The following IMMP2L variants were observed in gnomAD, a reference collection of about 807,000 sequenced individuals.
The protein encoded by IMMP2L is mitochondrial inner membrane protease subunit 2.
IMMP2L carries 18 observed loss-of-function variants against 19.3 expected under a neutral mutation model. The observed-to-expected ratio is 0.93, with a 90% CI of 0.64 to 1.38. IMMP2L has a LOEUF of 1.38. IMMP2L is among the 40% of genes most tolerant of loss of function. IMMP2L has a pLI of 0.00. For synonymous variants in IMMP2L, 76 were observed against 73.0 expected, an observed-to-expected ratio of 1.04 and a Z score of -0.21; for missense variants, 233 against 218.2, an observed-to-expected ratio of 1.07 and a Z score of -0.43.
In IMMP2L at chr7:111,443,964, A is replaced by G. The variant is rs180832645; in HGVS notation, c.239+43274T>C. The stretch of plus-strand genomic sequence containing the variant: ...TATGTGCATCTTCACAGGGTATATA[A>G]TTTCAAAAGGTGAAAAATGTTTAAA... On this transcript the variant is annotated intron_variant, in intron 3 of 5. Coordinates refer to ENST00000405709, the MANE Select transcript of IMMP2L (RefSeq NM_032549.4). 1.4e-3 allele frequency among the ~76,000 whole-genome samples: 212 copies of G among 152,248 alleles called. 1 individual carries two copies. Among genetic ancestry groups the G allele is most frequent in the Middle Eastern group, 3.4e-3 (1 of 292 alleles).
chr7:110,701,697 C>T (rs2222617), intron 5 of IMMP2L, among the ~76,000 whole-genome samples: 132,684 of 152,080 alleles, frequency 0.87, 58,060 homozygotes, highest in African/African-American at 0.92. Flanking sequence ...AATGCTGGAA[C>T]TACAGGTGTG....
intron 1 of IMMP2L, among the ~76,000 whole-genome samples, chr7:111,558,291 C>T (rs888032785): frequency 1.3e-5 from 2 of 152,156 alleles, no homozygotes; most frequent in African/African-American, 4.8e-5. Context: ...ACCAAATCCC[C>T]AATACCATGG....
intron 5 of IMMP2L, among the ~76,000 whole-genome samples, chr7:110,690,760 A>C (rs1203546982): frequency 6.6e-6 from 1 of 152,134 alleles, no homozygotes; most frequent in African/African-American, 2.4e-5. Context: ...AATATACTTT[A>C]CCAAGAAGGT....
At chr7:110,907,704 A>G (rs935322432) in intron 4 of IMMP2L, among the ~76,000 whole-genome samples, 1 of 152,208 alleles carries the variant, frequency 6.6e-6, no homozygotes, top group African/African-American at 2.4e-5. Context: ...ATGAGTTCAT[A>G]TATAAAAAAT....
chr7:111,557,213 G>C (rs1182046190), intron 1 of IMMP2L, among the ~76,000 whole-genome samples: 2 of 151,798 alleles, frequency 1.3e-5, no homozygotes, highest in African/African-American at 2.4e-5. Context: ...GTCTTGCCAT[G>C]ACCCCACACC....
chr7:110,898,175 T>C lies in IMMP2L; in HGVS notation c.306-11480A>G, dbSNP rs1346219316. On this transcript the variant is annotated intron_variant, in intron 4 of 5. Transcript: ENST00000405709. ...TATATATACATATATAAATACAATA[T>C]ATAAAGATTTAAAGACCAATAATTG... Among the ~76,000 whole-genome samples, 8 of 151,380 alleles carry C rather than the reference T, an allele frequency of 5.3e-5. No individual in the cohort carries two copies. The East Asian group carries it at 1.5e-3, about 29-fold the overall frequency.
At chr7:111,077,332 A>T (rs2129575951) in intron 3 of IMMP2L, among the ~76,000 whole-genome samples, 1 of 152,344 alleles carries the variant, frequency 6.6e-6, no homozygotes, top group African/African-American at 2.4e-5. Flanking sequence ...CCCTTACATT[A>T]CATGAGAAAG....
chr7:110,789,086 T>A (rs1045666288), intron 5 of IMMP2L, among the ~76,000 whole-genome samples: 2 of 151,608 alleles, frequency 1.3e-5, no homozygotes, highest in African/African-American at 4.9e-5. Context: ...CTAGCTGAAG[T>A]CCTAACTAAA....
chr7:111,552,288 T>C (rs1790756215), intron 1 of IMMP2L, among the ~76,000 whole-genome samples: 1 of 152,000 alleles, frequency 6.6e-6, no homozygotes, highest in East Asian at 1.9e-4. Flanking sequence ...TCATTTTTGT[T>C]TTGTTTTGTT....
intron 5 of IMMP2L, among the ~76,000 whole-genome samples, chr7:110,767,751 C>A (rs1350136394): frequency 6.6e-6 from 1 of 152,144 alleles, no homozygotes; most frequent in African/African-American, 2.4e-5. Flanking sequence ...CTTCCTGCTC[C>A]CATCAAGCCC....
At chr7:111,365,862 AT>A (rs2131040809) in intron 3 of IMMP2L, among the ~76,000 whole-genome samples, 1 of 152,224 alleles carries the variant, frequency 6.6e-6, no homozygotes, top group South Asian at 2.1e-4. Flanking sequence ...CTCAAAAATG[AT>A]TTTTTAAAAC....
rs554904369 is a variant in IMMP2L, at chr7:111,359,588, C to A, written c.239+127650G>T. On this transcript the variant is annotated intron_variant, in intron 3 of 5. Transcript: ENST00000405709. ...AAGTGCTGGAATTACAGACGTAAGT[C>A]ACCGTGCCCGGCCTCTCCAGGTTCA... Among the ~76,000 whole-genome samples, 4 of 152,206 alleles carry A rather than the reference C, an allele frequency of 2.6e-5. No individual in the cohort carries two copies. The East Asian group carries it at 7.7e-4, about 29-fold the overall frequency.
At chr7:110,702,867 C>T (rs1421053350) in intron 5 of IMMP2L, among the ~76,000 whole-genome samples, 2 of 152,004 alleles carry the variant, frequency 1.3e-5, no homozygotes, top group Non-Finnish European at 2.9e-5. Flanking sequence ...TTTTACTTTT[C>T]ACTTCCTAAT....
chr7:111,224,198 G>T (rs1338149899), intron 3 of IMMP2L, among the ~76,000 whole-genome samples: 3 of 152,074 alleles, frequency 2.0e-5, no homozygotes, highest in Non-Finnish European at 4.4e-5. Flanking sequence ...GCATGAGGAA[G>T]TGCTTTGTGA....
chr7:111,234,084 T>C (rs1814022419), intron 3 of IMMP2L, among the ~76,000 whole-genome samples: 1 of 152,094 alleles, frequency 6.6e-6, no homozygotes, highest in Non-Finnish European at 1.5e-5. Context: ...TTAAGTATTG[T>C]TTTAGCTACA....
At chr7:110,812,632 A>G (rs1038108932) in intron 5 of IMMP2L, among the ~76,000 whole-genome samples, 1 of 152,024 alleles carries the variant, frequency 6.6e-6, no homozygotes, top group African/African-American at 2.4e-5. Context: ...CTGGATCAGG[A>G]TTGGGAGTTT....
chr7:111,393,983 T>G (rs1349951800), intron 3 of IMMP2L, among the ~76,000 whole-genome samples: 3 of 152,134 alleles, frequency 2.0e-5, no homozygotes, highest in Non-Finnish European at 4.4e-5. Flanking sequence ...AGTGATAAAC[T>G]TTTTAAAAAC....
chr7:111,311,973 G>C (rs1420471049), intron 3 of IMMP2L, among the ~76,000 whole-genome samples: 1 of 152,100 alleles, frequency 6.6e-6, no homozygotes, highest in African/African-American at 2.4e-5. Flanking sequence ...AAGGCAATCA[G>C]AATACAGCCT....
intron 3 of IMMP2L, among the ~76,000 whole-genome samples, chr7:111,315,026 A>AT: frequency 6.6e-6 from 1 of 152,312 alleles, no homozygotes; most frequent in Middle Eastern, 3.4e-3. Context: ...TTTTAAAAGT[A>AT]TACGTGCATA....
Sources: allele counts gnomAD v4.1 joint callset (sites outside exome capture counted in the v4.1 genomes callset), GRCh38; gene constraint gnomAD v4.1.1; transcripts MANE v1.5; gene names NCBI Gene and HGNC (gene_info 2026-07-23, HGNC 2026-07-21).